ASH2L: variants seen among roughly 807,000 people sequenced by gnomAD.
ASH2L encodes the protein ASH2 like, histone lysine methyltransferase complex subunit, also known as set1/Ash2 histone methyltransferase complex subunit ASH2.
A neutral mutation model predicts 81.1 loss-of-function variants in ASH2L; 30 were observed. That is an observed-to-expected ratio of 0.37 (90% CI 0.28 to 0.50). ASH2L has a LOEUF of 0.50. Among genes scored for constraint, ASH2L ranks in the 20% least tolerant of loss-of-function variants. The pLI, the probability that ASH2L is intolerant of heterozygous loss-of-function variation, is 0.95. For synonymous variants in ASH2L, 273 were observed against 279.9 expected, an observed-to-expected ratio of 0.98 and a Z score of 0.24; for missense variants, 559 against 792.1, an observed-to-expected ratio of 0.71 and a Z score of 3.53.
In ASH2L at chr8:38,128,457, A is replaced by G; in HGVS notation, c.1332A>G (p.Leu444=). ...TAARLGWSQP[L]GNLQAPLGYD... The stretch of plus-strand genomic sequence containing the variant: ...CCAGACTGGGTTGGTCCCAGCCCCT[A>G]GGTAAGCTGGGGCCTTAATATGGAC... The change falls in exon 11 of 16, where the codon CTA becomes CTG. Residue 444 remains leucine, a splice_region_variant and synonymous_variant. Coordinates refer to ENST00000343823, the MANE Select transcript of ASH2L (RefSeq NM_004674.5). The G allele has an allele frequency of 6.2e-7, 1 of 1,613,418 alleles. No homozygotes were observed. The highest frequency in any genetic ancestry group is 8.5e-7 in the Non-Finnish European group (1 of 1,179,812).
intron 5 of ASH2L, among the ~76,000 whole-genome samples, chr8:38,111,544 C>A (rs1014052377): frequency 3.3e-5 from 5 of 152,008 alleles, no homozygotes; most frequent in Non-Finnish European, 7.4e-5. Flanking sequence ...CACACCACCA[C>A]ACCCAGCTAG....
chr8:38,136,293 G>A (rs1419889635), intron 14 of ASH2L, among the ~76,000 whole-genome samples: 4 of 150,832 alleles, frequency 2.7e-5, no homozygotes, highest in Non-Finnish European at 5.9e-5. Context: ...TGGTCTCAAA[G>A]TCATGGGCTC....
At chr8:38,129,582 C>A (rs1328958380) in intron 12 of ASH2L, among the ~76,000 whole-genome samples, 5 of 152,152 alleles carry the variant, frequency 3.3e-5, no homozygotes, top group African/African-American at 4.8e-5. Context: ...TGCACTCCCC[C>A]CAAAAAAGAG....
At chr8:38,118,911 T>C (rs1811021050) in intron 8 of ASH2L, among the ~76,000 whole-genome samples, 2 of 152,206 alleles carry the variant, frequency 1.3e-5, no homozygotes, top group Admixed American at 1.3e-4. Context: ...CATACAGTTG[T>C]TTTCATTCTT....
At chr8:38,106,162 G>A (rs1563248351) in intron 1 of ASH2L, 4 of 1,532,246 alleles carry the variant, frequency 2.6e-6, no homozygotes, top group Non-Finnish European at 2.6e-6. Flanking sequence ...GTAAAGGCCG[G>A]TTAGGCTTCC....
intron 10 of ASH2L, chr8:38,124,516 GTTTA>G (rs890955414): frequency 9.4e-5 from 14 of 148,402 alleles, no homozygotes; most frequent in African/African-American, 3.0e-4. Context: ...TGGCCTCATT[GTTTA>G]TTTGTTTGTT....
At chr8:38,106,037 A>G (rs1810413165) in intron 1 of ASH2L, 4 of 1,526,494 alleles carry the variant, frequency 2.6e-6, no homozygotes, top group Non-Finnish European at 3.5e-6. Context: ...CCAGAAAAGA[A>G]ACCACTTTGC....
chr8:38,133,878 GA>G (rs1802155092), intron 13 of ASH2L, among the ~76,000 whole-genome samples: 3 of 152,182 alleles, frequency 2.0e-5, no homozygotes, highest in African/African-American at 7.2e-5. Context: ...TTGTGGAATA[GA>G]AAAGGGGGAA....
intron 1 of ASH2L, chr8:38,106,089 G>T: frequency 6.6e-7 from 1 of 1,524,772 alleles, no homozygotes; most frequent in Non-Finnish European, 8.8e-7. Flanking sequence ...TGAAAACAGG[G>T]TGGGAGAGCT....
chr8:38,130,502 C>A (rs1802014727), intron 12 of ASH2L, among the ~76,000 whole-genome samples: 1 of 152,000 alleles, frequency 6.6e-6, no homozygotes, highest in Admixed American at 6.6e-5. Context: ...AAAAAAAAAT[C>A]TTTGGCTACT....
chr8:38,128,994 T>C, intron 12 of ASH2L, 43 bp downstream of exon 12: 1 of 1,589,448 alleles, frequency 6.3e-7, no homozygotes, highest in Non-Finnish European at 8.5e-7. Context: ...TTTGAAGGCC[T>C]GTGGCAGCCA....
chr8:38,121,142 T>C lies in ASH2L; in HGVS notation c.1158T>C (p.His386=), dbSNP rs1184976139. The change falls in exon 10 of 16, where the codon CAT becomes CAC. Residue 386 remains histidine (H), a synonymous_variant. Transcript: ENST00000343823. ...ATGAACGGGTTTTGTTAGCCCTACA[T>C]GATCGAGGTATGTAAAGTATTGGAG... ...CLYERVLLAL[H]DRAPQLKISD... The C allele has an allele frequency of 2.5e-6, 4 of 1,613,156 alleles. No individual in the cohort carries two copies. Among genetic ancestry groups the C allele is most frequent in the Non-Finnish European group, 3.4e-6 (4 of 1,179,688 alleles).
chr8:38,106,137 C>T (rs1165802450), intron 1 of ASH2L: 3 of 1,529,664 alleles, frequency 2.0e-6, no homozygotes, highest in Admixed American at 3.9e-5. Flanking sequence ...AACTCTAACC[C>T]AGGTAGATTT....
At chr8:38,130,598 ATTAATTTTTTTT>A (rs956016740) in intron 12 of ASH2L, among the ~76,000 whole-genome samples, 2 of 151,462 alleles carry the variant, frequency 1.3e-5, no homozygotes, top group African/African-American at 4.9e-5. Flanking sequence ...TTTACCTTGG[ATTAATTTTTTTT>A]TTTCTTTAGA....
intron 8 of ASH2L, among the ~76,000 whole-genome samples, chr8:38,118,665 C>T (rs763540545): frequency 3.3e-5 from 5 of 152,230 alleles, no homozygotes; most frequent in Admixed American, 6.5e-5. Flanking sequence ...TGTGCAACCA[C>T]GATGGAGATC....
chr8:38,135,448 CA>C (rs993157273), intron 13 of ASH2L, among the ~76,000 whole-genome samples: 1 of 149,538 alleles, frequency 6.7e-6, no homozygotes, highest in African/African-American at 2.5e-5. Flanking sequence ...GACCCTGTCT[CA>C]AAAAAGAAAA....
At chr8:38,119,472 C>A in intron 9 of ASH2L, 109 bp downstream of exon 9, 1 of 948,814 alleles carries the variant, frequency 1.1e-6, no homozygotes, top group Non-Finnish European at 1.5e-6. Flanking sequence ...AAAGCCTGTC[C>A]ATTTTTTCTA....
chr8:38,133,360 C>T (rs1482706027), intron 12 of ASH2L, 94 bp from the exon 13 acceptor site: 3 of 802,420 alleles, frequency 3.7e-6, no homozygotes, highest in Non-Finnish European at 6.1e-6. Flanking sequence ...TTGTAGAGCT[C>T]AAGGGGTTAA....
In ASH2L at chr8:38,119,283, A is replaced by G. The variant is rs1463853953; in HGVS notation, c.867A>G (p.Ala289=). ...TSGNLNGGIA[A]GSSGKGRGAK... ...TTCTCTTCAAAGGGGGAATTGCAGC[A>G]GGAAGCAGCGGAAAAGGACGAGGAG... The change falls in exon 9 of 16, where the codon GCA becomes GCG. Residue 289 remains alanine, a synonymous_variant. Coordinates refer to ENST00000343823, the MANE Select transcript of ASH2L (RefSeq NM_004674.5). The G allele has an allele frequency of 4.5e-6, 7 of 1,550,870 alleles. No individual in the cohort carries two copies. The highest frequency in any genetic ancestry group is 5.2e-6 in the Non-Finnish European group (6 of 1,146,704).
Sources: allele counts gnomAD v4.1 joint callset (sites outside exome capture counted in the v4.1 genomes callset), GRCh38; gene constraint gnomAD v4.1.1; transcripts MANE v1.5; gene names NCBI Gene and HGNC (gene_info 2026-07-23, HGNC 2026-07-21).